The following API5 variants were observed in gnomAD, a reference collection of about 807,000 sequenced individuals.
API5 encodes the protein FIF.
In API5, 6 loss-of-function variants were observed where a neutral mutation model predicts 71.9. That is an observed-to-expected ratio of 0.08 (90% CI 0.05 to 0.16). The LOEUF (loss-of-function observed/expected upper bound fraction) is 0.16, where lower values mean the gene tolerates loss of function less well. API5 is among the 10% of genes least tolerant of loss of function. API5 has a pLI of 1.00. For synonymous variants in API5, 189 were observed against 221.3 expected (o/e 0.85, Z 1.30); for missense variants, 332 against 612.8 (o/e 0.54, Z 4.84).
intron 1 of API5, among the ~76,000 whole-genome samples, chr11:43,314,940 C>T (rs191064116): frequency 1.3e-5 from 2 of 152,092 alleles, no homozygotes; most frequent in African/African-American, 4.8e-5. Flanking sequence ...GAGAGAAAAC[C>T]GTGTTCATGT....
intron 1 of API5, among the ~76,000 whole-genome samples, chr11:43,317,989 T>TTTTTTTTG (rs1554974185): frequency 1.3e-5 from 2 of 150,704 alleles, no homozygotes; most frequent in Non-Finnish European, 3.0e-5. Flanking sequence ...ATTACAATTG[T>TTTTTTTTG]TTTGTTTGTT....
intron 11 of API5, among the ~76,000 whole-genome samples, chr11:43,334,468 A>G (rs1198389971): frequency 6.6e-6 from 1 of 152,134 alleles, no homozygotes; most frequent in African/African-American, 2.4e-5. Flanking sequence ...AGTACGCTGG[A>G]CTTAAGTTTA....
At chr11:43,334,821 G>C (rs951284101) in intron 11 of API5, among the ~76,000 whole-genome samples, 1 of 151,798 alleles carries the variant, frequency 6.6e-6, no homozygotes, top group East Asian at 1.9e-4. Flanking sequence ...TTTTTTGTTT[G>C]TTTGTTTTTA....
intron 1 of API5, among the ~76,000 whole-genome samples, chr11:43,314,100 T>TAAA (rs546774601): frequency 1.4e-5 from 2 of 141,612 alleles, no homozygotes; most frequent in South Asian, 4.5e-4. Context: ...AACAAAAAAT[T>TAAA]AAAAAAAAAA....
chr11:43,318,449 G>A lies in API5; in HGVS notation c.70-191G>A, dbSNP rs1250801816. 5.2e-6 allele frequency: 8 copies of A among 1,534,586 alleles called. No homozygotes were observed. The African/African-American group carries it at 1.1e-4, about 21-fold the overall frequency. ...CATCCATCTCCCCCAACTCAAAAAT[G>A]AAACAAAGATGGAGGGAGAACGGAA... On this transcript the variant is annotated intron_variant, in intron 1 of 13. Coordinates refer to ENST00000531273, the MANE Select transcript of API5 (RefSeq NM_001142930.2).
intron 11 of API5, among the ~76,000 whole-genome samples, chr11:43,332,460 A>G (rs1260201015): frequency 2.0e-5 from 3 of 152,164 alleles, no homozygotes; most frequent in East Asian, 3.9e-4. Flanking sequence ...AGGTTTGGTT[A>G]AATTGCTAGA....
chr11:43,316,919 TTAACCTTA>T (rs1854692840), intron 1 of API5, among the ~76,000 whole-genome samples: 1 of 152,230 alleles, frequency 6.6e-6, no homozygotes, highest in Admixed American at 6.5e-5. Flanking sequence ...CATGAAGAAG[TTAACCTTA>T]TTCACAGAAA....
chr11:43,321,325 A>G, intron 3 of API5, 86 bp from the exon 4 acceptor site: 1 of 1,145,340 alleles, frequency 8.7e-7, no homozygotes, highest in Non-Finnish European at 1.3e-6. Flanking sequence ...TAACCTTGAG[A>G]AACTAAGTTG....
intron 5 of API5, 50 bp downstream of exon 5, chr11:43,322,186 A>G (rs1854916814): frequency 6.6e-7 from 1 of 1,521,516 alleles, no homozygotes; most frequent in African/African-American, 1.4e-5. Context: ...AAAAGAGCAT[A>G]CTTGACATTG....
At chr11:43,340,566 T>C (rs1855576906) in intron 13 of API5, among the ~76,000 whole-genome samples, 1 of 152,118 alleles carries the variant, frequency 6.6e-6, no homozygotes, top group Non-Finnish European at 1.5e-5. Flanking sequence ...AACAGCCTGA[T>C]ACTGGCATAA....
chr11:43,312,041 G>A lies in API5; in HGVS notation c.-87G>A, dbSNP rs184841117. On this transcript the variant is annotated 5_prime_UTR_variant, in exon 1 of 14. Coordinates refer to ENST00000531273, the MANE Select transcript of API5 (RefSeq NM_001142930.2). ...CGGCAGCTGGAGGTGTAATAGTGCG[G>A]GTAGTGGGTTTGGAGAAGTTCCGAG... 12 of 1,448,956 alleles carry A rather than the reference G, an allele frequency of 8.3e-6. No homozygotes were observed. In the African/African-American group the frequency reaches 9.8e-5, roughly 12 times the overall value. The allele number at this position is 1,448,956 out of a possible 1,614,324, so 89.8% of individuals were successfully genotyped here. A position where few individuals can be genotyped will look rare whatever the true frequency, so the allele number is the denominator to read the frequency against.
chr11:43,318,551 A>G (rs1854755304), intron 1 of API5, 89 bp from the exon 2 acceptor site: 11 of 1,581,966 alleles, frequency 7.0e-6, no homozygotes, highest in African/African-American at 1.4e-5. Context: ...AAAAATTTAA[A>G]GCACACTCTA....
intron 3 of API5, 38 bp from the exon 4 acceptor site, chr11:43,321,373 T>C: frequency 6.6e-7 from 1 of 1,521,528 alleles, no homozygotes. Context: ...TATTTTAAAT[T>C]TGTTTTATAT....
Position 43,328,757 on chromosome 11 carries a change from G to T in API5, c.991G>T (p.Ala331Ser). 2 of 1,613,918 alleles carry T rather than the reference G, an allele frequency of 1.2e-6. No individual in the cohort carries two copies. Among genetic ancestry groups the T allele is most frequent in the Non-Finnish European group, 1.7e-6 (2 of 1,179,874 alleles). The change falls in exon 9 of 14, where the codon GCT (alanine) becomes TCT (serine). Residue 331 changes from alanine (A) to serine (S), a missense_variant. Physicochemically the swap from Ala to Ser is moderately conservative, Grantham distance 99 (BLOSUM62 1). Transcript: ENST00000531273. ...PPEEAENGEN[A>S]GNEEPKLQFS... The stretch of plus-strand genomic sequence containing the variant: ...AGAAGAGGCAGAAAATGGAGAGAAT[G>T]CTGGTAATGAAGAACCCAAGCTACA...
chr11:43,342,700 T>C lies in API5; in HGVS notation c.*190T>C, dbSNP rs1434842118. 1.4e-6 allele frequency: 1 copy of C among 695,166 alleles called. No homozygotes were observed. The highest frequency in any genetic ancestry group is 2.6e-6 in the Non-Finnish European group (1 of 383,830). The allele number at this position is 695,166 out of a possible 1,614,324, so 43.1% of individuals were successfully genotyped here. On this transcript the variant is annotated 3_prime_UTR_variant, in exon 14 of 14. Coordinates refer to ENST00000531273, the MANE Select transcript of API5 (RefSeq NM_001142930.2). ...GGTTGTGTCCAAGGTAAAACCACAG[T>C]GATATTTTTGGATGCTTTGTCTGCA...
At chr11:43,339,532 A>G (rs987939644) in intron 13 of API5, among the ~76,000 whole-genome samples, 4 of 152,214 alleles carry the variant, frequency 2.6e-5, no homozygotes, top group Non-Finnish European at 4.4e-5. Flanking sequence ...CTCTGTGGCT[A>G]TAAAAGTGAC....
Position 43,318,696 on chromosome 11 carries a change from G to A in API5, c.126G>A (p.Lys42=), listed in dbSNP as rs2134344687. 6.2e-7 allele frequency: 1 copy of A among 1,613,658 alleles called. No individual in the cohort carries two copies. The highest frequency in any genetic ancestry group is 8.5e-7 in the Non-Finnish European group (1 of 1,179,998). Residue 42 remains lysine, a synonymous_variant, in exon 2 of 14, where the codon AAG becomes AAA. Coordinates refer to ENST00000531273, the MANE Select transcript of API5 (RefSeq NM_001142930.2). ...GTGTGAAAGGTGGTACTAAGGAAAA[G>A]CGATTAGCAGCTCAATTTATTCCGA... The part of the protein sequence containing the change: ...LDGVKGGTKE[K]RLAAQFIPKF...
At chr11:43,337,861 T>C (rs1855486804) in intron 13 of API5, among the ~76,000 whole-genome samples, 2 of 152,246 alleles carry the variant, frequency 1.3e-5, no homozygotes, top group African/African-American at 4.8e-5. Flanking sequence ...AAGATTCTAT[T>C]GTGTAAAACT....
intron 2 of API5, among the ~76,000 whole-genome samples, chr11:43,320,504 G>A (rs780985192): frequency 2.6e-4 from 39 of 152,166 alleles, no homozygotes; most frequent in Middle Eastern, 3.4e-3. Flanking sequence ...AACACTTTGG[G>A]AGGCTGAGGT....
Sources: allele counts gnomAD v4.1 joint callset (sites outside exome capture counted in the v4.1 genomes callset), GRCh38; gene constraint gnomAD v4.1.1; transcripts MANE v1.5; gene names NCBI Gene and HGNC (gene_info 2026-07-23, HGNC 2026-07-21).